Variants in PCDHGB4 observed in about 807,000 individuals in gnomAD.
PCDHGB4 encodes the protein protocadherin gamma subfamily B, 4.
A neutral mutation model predicts 60.5 loss-of-function variants in PCDHGB4; 38 were observed. The ratio of observed to expected loss-of-function variants is 0.63; its 90% CI spans 0.48 to 0.82. PCDHGB4 has a LOEUF of 0.82. Among genes scored for constraint, PCDHGB4 ranks in the 40% least tolerant of loss-of-function variants. PCDHGB4 has a pLI of 0.00. For missense variants in PCDHGB4, 1,109 were observed against 1,209.6 expected, an observed-to-expected ratio of 0.92 and a Z score of 1.23; for synonymous variants, 456 against 509.7, an observed-to-expected ratio of 0.89 and a Z score of 1.42.
At chr5:141,482,876 AGCCTG>A (rs2099574018) in intron 1 of PCDHGB4, among the ~76,000 whole-genome samples, 1 of 152,142 alleles carries the variant, frequency 6.6e-6, no homozygotes, top group Admixed American at 6.5e-5. Flanking sequence ...GTTTGAAACC[AGCCTG>A]GCCAACATGG....
At chr5:141,433,066 C>A in intron 1 of PCDHGB4, 2 of 1,614,210 alleles carry the variant, frequency 1.2e-6, no homozygotes, top group Non-Finnish European at 1.7e-6. Context: ...GTCACCTGAT[C>A]TTCCCCCAGC....
intron 1 of PCDHGB4, among the ~76,000 whole-genome samples, chr5:141,401,627 G>A (rs998564450): frequency 6.6e-6 from 1 of 152,176 alleles, no homozygotes; most frequent in African/African-American, 2.4e-5. Flanking sequence ...TTGTCTTATC[G>A]TTTGGAGCTT....
chr5:141,418,862 G>C (rs749632113), intron 1 of PCDHGB4: 1 of 1,613,994 alleles, frequency 6.2e-7, no homozygotes, highest in Non-Finnish European at 8.5e-7. Context: ...TAAAGTAATT[G>C]TAGAAGTTGT....
chr5:141,436,121 C>T (rs2097796819), intron 1 of PCDHGB4, among the ~76,000 whole-genome samples: 1 of 152,154 alleles, frequency 6.6e-6, no homozygotes, highest in Admixed American at 6.5e-5. Context: ...AAACCTCTCT[C>T]CTCCATCATC....
chr5:141,456,093 T>G (rs1362649283), intron 1 of PCDHGB4, among the ~76,000 whole-genome samples: 1 of 151,986 alleles, frequency 6.6e-6, no homozygotes, highest in Non-Finnish European at 1.5e-5. Context: ...GAGACGGGAT[T>G]TCACCGTGTT....
intron 1 of PCDHGB4, among the ~76,000 whole-genome samples, chr5:141,484,819 G>A (rs2099601374): frequency 1.3e-5 from 2 of 152,122 alleles, no homozygotes; most frequent in Admixed American, 1.3e-4. Flanking sequence ...GCCGTTGAGC[G>A]GGAGGAAGGC....
intron 1 of PCDHGB4, chr5:141,428,113 T>A: frequency 6.2e-7 from 1 of 1,607,492 alleles, no homozygotes; most frequent in Non-Finnish European, 8.5e-7. Flanking sequence ...CTGCAGGCCA[T>A]CGAGCCCGGG....
At chr5:141,397,304 A>G (rs1206880219) in intron 1 of PCDHGB4, among the ~76,000 whole-genome samples, 2 of 152,202 alleles carry the variant, frequency 1.3e-5, no homozygotes, top group Non-Finnish European at 2.9e-5. Context: ...TATTTCCTGA[A>G]GTAGAAGAGT....
intron 1 of PCDHGB4, among the ~76,000 whole-genome samples, chr5:141,407,049 C>T (rs1483952329): frequency 6.6e-6 from 1 of 152,162 alleles, no homozygotes. Context: ...TCCATAGATA[C>T]ACTGATGACT....
At chr5:141,468,774 G>A (rs1229480462) in intron 1 of PCDHGB4, among the ~76,000 whole-genome samples, 4 of 152,028 alleles carry the variant, frequency 2.6e-5, no homozygotes, top group Non-Finnish European at 4.4e-5. Flanking sequence ...GCTGAGGCAG[G>A]AGAATGGCGT....
At chr5:141,495,102 C>A (rs1344771035) in intron 2 of PCDHGB4, among the ~76,000 whole-genome samples, 3 of 152,160 alleles carry the variant, frequency 2.0e-5, no homozygotes, top group Non-Finnish European at 4.4e-5. Flanking sequence ...CTCGCCACGA[C>A]CGGCACCTTT....
intron 1 of PCDHGB4, chr5:141,417,759 C>T: frequency 7.0e-7 from 1 of 1,437,100 alleles, no homozygotes; most frequent in South Asian, 1.5e-5. Flanking sequence ...AGCTCCGAGA[C>T]CCGGGACTCC....
intron 1 of PCDHGB4, chr5:141,428,078 C>A (rs747287202): frequency 1.2e-6 from 2 of 1,609,216 alleles, no homozygotes; most frequent in Admixed American, 3.3e-5. Flanking sequence ...ATTCGGGACA[C>A]AACGCTTGGC....
intron 1 of PCDHGB4, chr5:141,394,099 C>T: frequency 1.2e-6 from 2 of 1,613,930 alleles, no homozygotes; most frequent in South Asian, 1.1e-5. Context: ...GATCTAGGAA[C>T]ACCACCTCTG....
chr5:141,426,311 G>C (rs895147447), intron 1 of PCDHGB4: 7 of 173,614 alleles, frequency 4.0e-5, no homozygotes, highest in Middle Eastern at 2.9e-3. Context: ...AAGCAGAGAA[G>C]CAGGACCCGG....
At chr5:141,395,198 A>G (rs2093194899) in intron 1 of PCDHGB4, 1 of 1,613,990 alleles carries the variant, frequency 6.2e-7, no homozygotes, top group Non-Finnish European at 8.5e-7. Flanking sequence ...TAACATCCGT[A>G]GATTTTCATG....
chr5:141,431,256 C>T lies in PCDHGB4; in HGVS notation c.2397+40975C>T. The stretch of plus-strand genomic sequence containing the variant: ...TGGGATCCGGATATCGGGAAGAACT[C>T]TCTGCAGAGCTACGAGCTCAGCCCG... On this transcript the variant is annotated intron_variant, in intron 1 of 3. Transcript: ENST00000519479. This position sits in a 1 kb window ranked among gnomAD's most constrained non-coding sequence, Gnocchi z 4.8. The T allele has an allele frequency of 6.2e-7, 1 of 1,614,194 alleles. No homozygotes were observed. Among genetic ancestry groups the T allele is most frequent in the South Asian group, 1.1e-5 (1 of 91,088 alleles).
At chr5:141,419,172 T>A in intron 1 of PCDHGB4, 1 of 1,613,914 alleles carries the variant, frequency 6.2e-7, no homozygotes, top group Non-Finnish European at 8.5e-7. Context: ...AGCAAAACCA[T>A]AACCCTGCAC....
chr5:141,453,144 C>T lies in PCDHGB4; in HGVS notation c.2398-41663C>T, dbSNP rs530175947. ...TTGTTTTGTTTTTGAGATAGGGTCT[C>T]GCTATGTCACCCAGGCTGGAGTCCA... On this transcript the variant is annotated intron_variant, in intron 1 of 3. Transcript: ENST00000519479. Among the ~76,000 whole-genome samples, 290 of 152,062 alleles carry T rather than the reference C, an allele frequency of 1.9e-3. 1 individual carries two copies. The highest frequency in any genetic ancestry group is 6.3e-3 in the African/African-American group (260 of 41,478).
Sources: allele counts gnomAD v4.1 joint callset (sites outside exome capture counted in the v4.1 genomes callset), GRCh38; gene constraint gnomAD v4.1.1; non-coding constraint Gnocchi (gnomAD v3.1); transcripts MANE v1.5; gene names NCBI Gene and HGNC (gene_info 2026-07-23, HGNC 2026-07-21).